The following SEMA5B variants were observed in gnomAD, a reference collection of about 807,000 sequenced individuals.
SEMA5B encodes the protein semaphorin-5B.
A neutral mutation model predicts 135.0 loss-of-function variants in SEMA5B; 66 were observed. That is an observed-to-expected ratio of 0.49 (90% confidence interval 0.40 to 0.60). The LOEUF (loss-of-function observed/expected upper bound fraction) is 0.60. SEMA5B is among the 20% of genes least tolerant of loss of function. The pLI, the probability that SEMA5B is intolerant of heterozygous loss-of-function variation, is 0.00. For missense variants in SEMA5B, 1,501 were observed against 1,566.3 expected, an observed-to-expected ratio of 0.96 and a Z score of 0.70; for synonymous variants, 690 against 639.5, an observed-to-expected ratio of 1.08 and a Z score of -1.19.
At chr3:122,975,898 C>A in intron 1 of SEMA5B, 2 of 1,453,612 alleles carry the variant, frequency 1.4e-6, no homozygotes, top group South Asian at 2.6e-5. Flanking sequence ...CTCCATCTGC[C>A]TCAGACTCCC....
chr3:122,974,172 T>C (rs1163669895), intron 1 of SEMA5B, among the ~76,000 whole-genome samples: 1 of 152,156 alleles, frequency 6.6e-6, no homozygotes, highest in East Asian at 1.9e-4. Context: ...GGTTGGCTGA[T>C]GTAGAGTGGA....
chr3:122,926,750 A>G, intron 8 of SEMA5B, 73 bp from the exon 9 acceptor site: 6 of 1,544,870 alleles, frequency 3.9e-6, no homozygotes, highest in Non-Finnish European at 3.5e-6. Context: ...GGGAGGACTC[A>G]ACTACTTCGG....
intron 1 of SEMA5B, among the ~76,000 whole-genome samples, chr3:122,969,774 G>A (rs1013306328): frequency 4.6e-5 from 7 of 152,168 alleles, no homozygotes; most frequent in Non-Finnish European, 1.0e-4. Flanking sequence ...TGCCAACAGC[G>A]GGGGTGGCAG....
In SEMA5B at chr3:122,910,090, A is replaced by G. The variant is rs1937614288; in HGVS notation, c.*53T>C. ...AAACTGGCTCCACTGTCCCATCTCC[A>G]TCTGCTCTGTGCCTTATGAAGGCAA... On this transcript the variant is annotated 3_prime_UTR_variant, in exon 23 of 23. Transcript: ENST00000357599. The G allele has an allele frequency of 1.3e-6, 2 of 1,588,622 alleles. No individual in the cohort carries two copies. Among genetic ancestry groups the G allele is most frequent in the Non-Finnish European group, 1.7e-6 (2 of 1,166,828 alleles).
chr3:122,981,152 C>T lies in SEMA5B; in HGVS notation c.-38-19851G>A, dbSNP rs184597018. Among the ~76,000 whole-genome samples the T allele has an allele frequency of 3.3e-3, 510 of 152,380 alleles. 2 individuals carry two copies. The highest frequency in any genetic ancestry group is 5.7e-3 in the Admixed American group (87 of 15,310). The stretch of plus-strand genomic sequence containing the variant: ...ATGGACATGTGCTTGTGCACCCCCT[C>T]TGAGTGCCCTCCACGAATCCCAGGG... On this transcript the variant is annotated intron_variant, in intron 1 of 22. Transcript: ENST00000357599.
At chr3:122,992,821 T>A (rs542867590) in intron 1 of SEMA5B, 27 of 152,210 alleles carry the variant, frequency 1.8e-4, no homozygotes, top group Admixed American at 1.4e-3. Context: ...TGCAGGGAAA[T>A]CAGACAGCAG....
intron 1 of SEMA5B, among the ~76,000 whole-genome samples, chr3:123,007,725 G>C (rs1442164957): frequency 6.6e-6 from 1 of 152,112 alleles, no homozygotes; most frequent in Non-Finnish European, 1.5e-5. Flanking sequence ...CAGCAAAAAG[G>C]CCCTCACTAG....
intron 3 of SEMA5B, among the ~76,000 whole-genome samples, chr3:122,943,807 C>G (rs1425382542): frequency 4.6e-5 from 7 of 152,172 alleles, no homozygotes; most frequent in Admixed American, 1.3e-4. Flanking sequence ...TTGACTTCCC[C>G]CAGACCTTCA....
At chr3:122,999,212 T>G (rs1267878928) in intron 1 of SEMA5B, among the ~76,000 whole-genome samples, 7 of 152,252 alleles carry the variant, frequency 4.6e-5, no homozygotes, top group Non-Finnish European at 1.0e-4. Context: ...AAAATATAAA[T>G]GTAGAATTTT....
At chr3:122,911,333 G>A in intron 21 of SEMA5B, 158 bp downstream of exon 21, 4 of 1,532,876 alleles carry the variant, frequency 2.6e-6, no homozygotes, top group Non-Finnish European at 3.5e-6. Flanking sequence ...GGGGCATGGA[G>A]GGAACTGCCC....
At chr3:122,935,682 C>CTTTTTTTTTTT (rs1402707939) in intron 5 of SEMA5B, among the ~76,000 whole-genome samples, 2 of 70,734 alleles carry the variant, frequency 2.8e-5, no homozygotes, top group African/African-American at 1.1e-4. Flanking sequence ...CTTTTTCTTT[C>CTTTTTTTTTTT]TTTCTTTTTT....
intron 1 of SEMA5B, among the ~76,000 whole-genome samples, chr3:122,979,845 C>A (rs576949434): frequency 2.0e-5 from 3 of 152,214 alleles, no homozygotes; most frequent in Non-Finnish European, 4.4e-5. Flanking sequence ...TTTCTAACAG[C>A]GCCTTAGATT....
At chr3:122,910,543 C>T (rs1937630776) in intron 22 of SEMA5B, among the ~76,000 whole-genome samples, 1 of 152,172 alleles carries the variant, frequency 6.6e-6, no homozygotes, top group Non-Finnish European at 1.5e-5. Context: ...GGCGCGGTGG[C>T]TCACGCCTGT....
At chr3:122,966,480 C>T (rs898460302) in intron 1 of SEMA5B, among the ~76,000 whole-genome samples, 19 of 152,068 alleles carry the variant, frequency 1.2e-4, no homozygotes, top group African/African-American at 4.3e-4. Context: ...CCACTCTCAG[C>T]AACAGTTTTG....
At chr3:123,023,838 CA>C (rs1452758753) in intron 1 of SEMA5B, among the ~76,000 whole-genome samples, 1 of 152,224 alleles carries the variant, frequency 6.6e-6, no homozygotes, top group Non-Finnish European at 1.5e-5. Flanking sequence ...CTGTTGTATC[CA>C]TGGCTCCTAG....
rs755733079 is a variant in SEMA5B, at chr3:122,943,494, G to A, written c.370C>T (p.Arg124Trp). 48 of 1,610,082 alleles carry A rather than the reference G, an allele frequency of 3.0e-5. No individual in the cohort carries two copies. In the Middle Eastern group the frequency reaches 4.9e-4, roughly 17 times the overall value. Residue 124 changes from arginine to tryptophan, a missense_variant, in exon 4 of 23, where the codon CGG becomes TGG. Arg to Trp is a moderately radical substitution (Grantham distance 101, BLOSUM62 -3). Coordinates refer to ENST00000357599, the MANE Select transcript of SEMA5B (RefSeq NM_001031702.4). ...WVSNFTYPGA[R>W]DFSQLALDPS... is the part of the protein sequence containing the mutation. ...TCCAAAGCCAGCTGGGAGAAATCCC[G>A]GGCTCCAGGGTAGGTGAAGTTAGAG... is the stretch of plus-strand genomic sequence containing the variant.
intron 1 of SEMA5B, among the ~76,000 whole-genome samples, chr3:122,962,703 T>G (rs1213424463): frequency 6.6e-6 from 1 of 152,136 alleles, no homozygotes; most frequent in Admixed American, 6.5e-5. Context: ...TGCTTGTAAA[T>G]CTATGGAAAT....
chr3:122,975,997 C>T (rs1180102677), intron 1 of SEMA5B: 18 of 1,534,882 alleles, frequency 1.2e-5, no homozygotes, highest in Non-Finnish European at 1.5e-5. Flanking sequence ...TGCACTTGCC[C>T]ACCTCGATCC....
At chr3:122,943,971 G>T (rs764121833) in intron 3 of SEMA5B, among the ~76,000 whole-genome samples, 14 of 152,114 alleles carry the variant, frequency 9.2e-5, no homozygotes, top group African/African-American at 7.2e-5. Flanking sequence ...AACCAGCCTG[G>T]CTTCCAGGCC....
Sources: allele counts gnomAD v4.1 joint callset (sites outside exome capture counted in the v4.1 genomes callset), GRCh38; gene constraint gnomAD v4.1.1; transcripts MANE v1.5; gene names NCBI Gene and HGNC (gene_info 2026-07-23, HGNC 2026-07-21).